The following UGT2B7 variants were observed in gnomAD, a reference collection of about 807,000 sequenced individuals.
UGT2B7 encodes UDP glucuronosyltransferase family 2 member B7, also known as UDP-glucuronosyltransferase 2B7.
In UGT2B7, 51 loss-of-function variants were observed where a neutral mutation model predicts 51.9. The observed-to-expected ratio is 0.98, with a 90% CI of 0.78 to 1.24. The LOEUF (loss-of-function observed/expected upper bound fraction) is 1.24. Among genes scored for constraint, UGT2B7 ranks in the 50% most tolerant of loss-of-function variants. The probability of loss-of-function intolerance (pLI) is 0.00; values close to 1 mark genes in which losing one functional copy is unlikely to be tolerated. For synonymous variants in UGT2B7, 225 were observed against 211.6 expected (o/e 1.06, Z -0.55); for missense variants, 727 against 628.4 (o/e 1.16, Z -1.68).
At chr4:69,068,556 A>G (rs1577910137) in intron 1 of UGT2B7, among the ~76,000 whole-genome samples, 1 of 152,082 alleles carries the variant, frequency 6.6e-6, no homozygotes, top group East Asian at 1.9e-4. Flanking sequence ...TTTAATAAGC[A>G]TAATGCTGGT....
At chr4:69,084,901 G>T (rs968169830) in intron 1 of UGT2B7, among the ~76,000 whole-genome samples, 2 of 152,078 alleles carry the variant, frequency 1.3e-5, no homozygotes, top group East Asian at 3.9e-4. Flanking sequence ...CTAAATCCTT[G>T]CTATTGTGAA....
At chr4:69,065,185 T>C (rs1718458967) in intron 1 of UGT2B7, among the ~76,000 whole-genome samples, 1 of 152,156 alleles carries the variant, frequency 6.6e-6, no homozygotes, top group Non-Finnish European at 1.5e-5. Flanking sequence ...AATAGGTCTA[T>C]TCAGTGTATT....
intron 1 of UGT2B7, among the ~76,000 whole-genome samples, chr4:69,064,730 G>A (rs750149376): frequency 3.3e-5 from 5 of 152,144 alleles, no homozygotes; most frequent in Non-Finnish European, 7.4e-5. Flanking sequence ...CTGAGTCTGA[G>A]TGCACTCAAT....
At chr4:69,103,642 T>G (rs1384991695) in intron 3 of UGT2B7, among the ~76,000 whole-genome samples, 1 of 152,160 alleles carries the variant, frequency 6.6e-6, no homozygotes, top group African/African-American at 2.4e-5. Flanking sequence ...CAAGTAAAAT[T>G]TTTGATAATT....
intron 5 of UGT2B7, among the ~76,000 whole-genome samples, chr4:69,109,615 A>G (rs1387149134): frequency 6.6e-6 from 1 of 152,128 alleles, no homozygotes; most frequent in Non-Finnish European, 1.5e-5. Flanking sequence ...AACTATTTAT[A>G]TATTATGGGT....
intron 1 of UGT2B7, among the ~76,000 whole-genome samples, chr4:69,064,085 A>AG (rs1491503077): frequency 6.0e-4 from 64 of 105,786 alleles, no homozygotes; most frequent in Admixed American, 9.8e-4. Flanking sequence ...AGAAAGAAAG[A>AG]AAGAAAGAAA....
At chr4:69,062,639 C>G (rs28821804) in intron 1 of UGT2B7, among the ~76,000 whole-genome samples, 1 of 152,024 alleles carries the variant, frequency 6.6e-6, no homozygotes, top group Non-Finnish European at 1.5e-5. Context: ...CCATCTGACC[C>G]GAATGATCCT....
intron 1 of UGT2B7, among the ~76,000 whole-genome samples, chr4:69,064,056 G>GAA (rs1359464445): frequency 1.0e-5 from 1 of 97,500 alleles, no homozygotes; most frequent in South Asian, 3.4e-4. Flanking sequence ...AAGAAAGAAA[G>GAA]AAAGAAAGAA....
upstream of UGT2B7, among the ~76,000 whole-genome samples, chr4:69,095,505 G>C (rs986472809): frequency 3.9e-5 from 6 of 152,104 alleles, no homozygotes; most frequent in African/African-American, 1.4e-4. Context: ...AAGGAAAGTT[G>C]ATCATTTCAT....
intron 1 of UGT2B7, among the ~76,000 whole-genome samples, chr4:69,067,831 C>T (rs1718514548): frequency 6.6e-6 from 1 of 151,938 alleles, no homozygotes; most frequent in South Asian, 2.1e-4. Flanking sequence ...TAGGATAGTG[C>T]ATAAGTTCTA....
At chr4:69,074,445 T>TATATATATATATATATATATATAA (rs761833298) in intron 1 of UGT2B7, among the ~76,000 whole-genome samples, 17 of 106,534 alleles carry the variant, frequency 1.6e-4, no homozygotes, top group African/African-American at 5.8e-4. Flanking sequence ...TATATATATA[T>TATATATATATATATATATATATAA]AAATTAAAAA....
intron 3 of UGT2B7, among the ~76,000 whole-genome samples, chr4:69,104,517 G>A (rs1275855245): frequency 6.6e-6 from 1 of 151,994 alleles, no homozygotes; most frequent in Non-Finnish European, 1.5e-5. Context: ...TAGCTGATGG[G>A]AAAGCAATAA....
At chr4:69,102,679 A>G (rs186019033) in intron 2 of UGT2B7, 128 bp from the exon 3 acceptor site, 2 of 1,427,230 alleles carry the variant, frequency 1.4e-6, no homozygotes, top group African/African-American at 1.4e-5. Flanking sequence ...GTCAGTTAAA[A>G]AATATTATTT....
At chr4:69,077,100 G>A (rs377000566) in intron 1 of UGT2B7, among the ~76,000 whole-genome samples, 2 of 152,176 alleles carry the variant, frequency 1.3e-5, no homozygotes, top group East Asian at 3.9e-4. Flanking sequence ...TATATGTGTG[G>A]TGTTATTTCT....
intron 1 of UGT2B7, among the ~76,000 whole-genome samples, chr4:69,082,245 A>G (rs12643840): frequency 0.58 from 87,491 of 151,654 alleles, 26,239 homozygotes; most frequent in African/African-American, 0.71. Flanking sequence ...CAGTTAATAA[A>G]CTTACGAAGG....
At chr4:69,095,946 C>A (rs1028179425), upstream of UGT2B7, among the ~76,000 whole-genome samples, 1 of 152,002 alleles carries the variant, frequency 6.6e-6, no homozygotes, top group South Asian at 2.1e-4. Context: ...AGGGGAAATG[C>A]AGAAACTAGG....
chr4:69,107,837 T>C (rs1719650274), intron 4 of UGT2B7, among the ~76,000 whole-genome samples: 1 of 152,070 alleles, frequency 6.6e-6, no homozygotes, highest in South Asian at 2.1e-4. Context: ...GCTGTCTTCT[T>C]TTTTGCACAT....
chr4:69,059,953 C>A (rs1045134449), intron 1 of UGT2B7, among the ~76,000 whole-genome samples: 1 of 152,198 alleles, frequency 6.6e-6, no homozygotes, highest in Non-Finnish European at 1.5e-5. Flanking sequence ...TGGCTTGCAC[C>A]AATTAATGAG....
chr4:69,053,973 T>G (rs1221910466), intron 1 of UGT2B7, among the ~76,000 whole-genome samples: 1 of 152,144 alleles, frequency 6.6e-6, no homozygotes, highest in Non-Finnish European at 1.5e-5. Flanking sequence ...CTTCCAACTC[T>G]CATATCTATT....
Sources: allele counts gnomAD v4.1 joint callset (sites outside exome capture counted in the v4.1 genomes callset), GRCh38; gene constraint gnomAD v4.1.1; transcripts MANE v1.5; gene names NCBI Gene and HGNC (gene_info 2026-07-23, HGNC 2026-07-21).